Variants in CDC14A observed in about 807,000 individuals in gnomAD.
The protein encoded by CDC14A is cell division cycle 14A.
A neutral mutation model predicts 74.4 loss-of-function variants in CDC14A; 53 were observed. The ratio of observed to expected loss-of-function variants is 0.71; its 90% CI spans 0.57 to 0.89. The LOEUF is 0.89. Among genes scored for constraint, CDC14A ranks in the 40% least tolerant of loss-of-function variants. The pLI is 0.00. For missense variants in CDC14A, 646 were observed against 713.7 expected (o/e 0.91, Z 1.08); for synonymous variants, 247 against 258.4 (o/e 0.96, Z 0.43).
Position 100,352,516 on chromosome 1 carries a change from G to T in CDC14A, c.-439G>T. On this transcript the variant is annotated 5_prime_UTR_variant, in exon 1 of 16. Coordinates refer to ENST00000336454, the MANE Select transcript of CDC14A (RefSeq NM_003672.4). Reference sequence around the variant, plus strand: ...CGAAGGAGGATCCGGAGCAGCTGCTGCCAGCCCGCGGGCACTGAAGTCCTC... The same window carrying T: ...CGAAGGAGGATCCGGAGCAGCTGCTTCCAGCCCGCGGGCACTGAAGTCCTC... 1 of 1,032,080 alleles carries T rather than the reference G, an allele frequency of 9.7e-7. No homozygotes were observed. Among genetic ancestry groups the T allele is most frequent in the Non-Finnish European group, 1.2e-6 (1 of 860,476 alleles). 63.9% of individuals were successfully genotyped at this position (1,032,080 alleles called of 1,614,324 possible). A position where few individuals can be genotyped will look rare whatever the true frequency, so the allele number is the denominator to read the frequency against.
At chr1:100,486,991 T>C (rs1557815761) in intron 11 of CDC14A, among the ~76,000 whole-genome samples, 2 of 152,214 alleles carry the variant, frequency 1.3e-5, no homozygotes, top group Non-Finnish European at 2.9e-5. Context: ...GTCTTTATTA[T>C]TCTTATAAAT....
chr1:100,468,047 A>G lies in CDC14A; in HGVS notation c.930A>G (p.Ile310Met), dbSNP rs1189406622. Residue 310 changes from isoleucine (I) to methionine (M), a missense_variant, in exon 10 of 16, where the codon ATA becomes ATG. Transcript: ENST00000336454. ...THAEIIAWIR[I>M]CRPGSIIGPQ... ...CTGAAATAATTGCTTGGATTAGAATATGCCGGCCAGGCTCTATTATAGGAC... is the reference window on the plus strand; with the variant it reads ...CTGAAATAATTGCTTGGATTAGAATGTGCCGGCCAGGCTCTATTATAGGAC... 1.2e-6 allele frequency: 2 copies of G among 1,613,592 alleles called. No homozygotes were observed. The highest frequency in any genetic ancestry group is 2.2e-5 in the South Asian group (2 of 90,972).
Position 100,499,174 on chromosome 1 carries a change from C to T in CDC14A, c.1667C>T (p.Ala556Val), listed in dbSNP as rs757015300. ...AACAGCCCCCCAGGCCCCCACAGCG[C>T]CAAGACAGAGGAGCACACCACCATC... ...NLNSPPGPHS[A>V]KTEEHTTILR... The change falls in exon 15 of 16, where the codon GCC (alanine) becomes GTC (valine). Residue 556 changes from alanine (A) to valine (V), a missense_variant. Coordinates refer to ENST00000336454, the MANE Select transcript of CDC14A (RefSeq NM_003672.4). 58 of 1,614,068 alleles carry T rather than the reference C, an allele frequency of 3.6e-5. No individual in the cohort carries two copies. The East Asian group carries it at 1.3e-3, about 35-fold the overall frequency.
intron 7 of CDC14A, among the ~76,000 whole-genome samples, chr1:100,445,242 G>T (rs1665404314): frequency 6.6e-6 from 1 of 152,080 alleles, no homozygotes; most frequent in Non-Finnish European, 1.5e-5. Context: ...ACACATCTAG[G>T]TGTCTACATT....
At chr1:100,489,567 T>C (rs1431375034) in intron 11 of CDC14A, among the ~76,000 whole-genome samples, 4 of 137,408 alleles carry the variant, frequency 2.9e-5, no homozygotes, top group African/African-American at 1.1e-4. Context: ...GTTCTTTCAC[T>C]AGGTCATCAC....
intron 9 of CDC14A, among the ~76,000 whole-genome samples, chr1:100,466,041 C>T (rs568830672): frequency 2.0e-5 from 3 of 152,124 alleles, no homozygotes; most frequent in African/African-American, 2.4e-5. Flanking sequence ...GTGCTAAGTG[C>T]GTTCTTTTTA....
chr1:100,380,004 A>G (rs559790828), intron 3 of CDC14A, among the ~76,000 whole-genome samples: 2 of 152,334 alleles, frequency 1.3e-5, no homozygotes, highest in East Asian at 3.9e-4. Context: ...ACTGGGGATC[A>G]CGTGAGATTT....
intron 2 of CDC14A, among the ~76,000 whole-genome samples, chr1:100,370,288 G>GTTT (rs778173442): frequency 2.8e-5 from 4 of 143,190 alleles, no homozygotes; most frequent in Non-Finnish European, 1.5e-5. Context: ...CCAGCCTAAA[G>GTTT]TTTTTTTTTT....
intron 11 of CDC14A, among the ~76,000 whole-genome samples, chr1:100,486,945 C>T (rs1571318249): frequency 6.6e-6 from 1 of 152,038 alleles, no homozygotes; most frequent in East Asian, 1.9e-4. Flanking sequence ...ATGGAAAATT[C>T]GCTTACTCAA....
chr1:100,393,567 A>G, intron 4 of CDC14A: 1 of 736,030 alleles, frequency 1.4e-6, no homozygotes, highest in Admixed American at 1.7e-5. Context: ...CAGGTAGTTC[A>G]TAGTAGGTTG....
chr1:100,518,148 T>C (rs1198330200), intron 15 of CDC14A, 103 bp from the exon 16 acceptor site: 10 of 802,152 alleles, frequency 1.2e-5, no homozygotes, highest in Non-Finnish European at 2.1e-5. Context: ...GTTTATTTCA[T>C]TGATCTCTAA....
intron 8 of CDC14A, among the ~76,000 whole-genome samples, chr1:100,457,147 A>G (rs553182955): frequency 9.2e-5 from 14 of 152,242 alleles, no homozygotes; most frequent in Non-Finnish European, 1.9e-4. Context: ...GACTTTCACC[A>G]TTTGTGATTC....
intron 15 of CDC14A, among the ~76,000 whole-genome samples, chr1:100,512,582 T>C (rs1417596819): frequency 2.0e-5 from 3 of 152,182 alleles, no homozygotes; most frequent in African/African-American, 7.2e-5. Flanking sequence ...GTTGGCTGAG[T>C]CAAGCTGGGT....
intron 10 of CDC14A, among the ~76,000 whole-genome samples, chr1:100,479,962 C>T (rs80193269): frequency 1.4e-3 from 206 of 152,156 alleles, no homozygotes; most frequent in African/African-American, 4.8e-3. Context: ...AGAAGACTGA[C>T]TTTTTAAATT....
At chr1:100,458,935 A>T (rs1666999664) in intron 8 of CDC14A, among the ~76,000 whole-genome samples, 1 of 150,984 alleles carries the variant, frequency 6.6e-6, no homozygotes, top group African/African-American at 2.5e-5. Flanking sequence ...CATTGTTTTG[A>T]CAGTGGGGAA....
chr1:100,351,995 TGTGTGTGTGC>T (rs1183733896), upstream of CDC14A, among the ~76,000 whole-genome samples: 6 of 138,716 alleles, frequency 4.3e-5, no homozygotes, highest in African/African-American at 1.9e-4. Context: ...TGTGTGTGTG[TGTGTGTGTGC>T]GCGCGCGCGC....
At chr1:100,501,003 C>T (rs945827244) in intron 15 of CDC14A, among the ~76,000 whole-genome samples, 3 of 151,940 alleles carry the variant, frequency 2.0e-5, no homozygotes, top group Admixed American at 2.0e-4. Flanking sequence ...AGGCATGAGC[C>T]ACCATGCTTG....
chr1:100,397,573 G>T (rs1325993467), intron 4 of CDC14A, among the ~76,000 whole-genome samples: 1 of 152,180 alleles, frequency 6.6e-6, no homozygotes, highest in Admixed American at 6.5e-5. Context: ...AGGTCAAGGA[G>T]AATTTGGATC....
rs77059133 is a variant in CDC14A, at chr1:100,431,511, C to G, written c.389+7210C>G. Among the ~76,000 whole-genome samples, 958 of 151,862 alleles carry G rather than the reference C, an allele frequency of 6.3e-3. 11 individuals are homozygous for G. The highest frequency in any genetic ancestry group is 0.022 in the African/African-American group (918 of 41,396). On this transcript the variant is annotated intron_variant, in intron 5 of 15. Transcript: ENST00000336454. Reference sequence around the variant, plus strand: ...AATGTTATGAAAAGCTCTTAAATACCTGAGTTAAAACCAATTTGCCATTAT... The same window carrying G: ...AATGTTATGAAAAGCTCTTAAATACGTGAGTTAAAACCAATTTGCCATTAT...
Sources: gnomAD v4.1 joint callset for allele counts (sites outside exome capture counted in the v4.1 genomes callset) on GRCh38, gnomAD v4.1.1 for gene constraint, MANE v1.5 for transcripts, NCBI Gene and HGNC (gene_info 2026-07-23, HGNC 2026-07-21) for gene names.